Variants in ACOT8 observed in about 807,000 individuals in gnomAD.
ACOT8 encodes the protein acyl-CoA thioesterase 8.
In ACOT8, 31 loss-of-function variants were observed where a neutral mutation model predicts 38.4. That is an observed-to-expected ratio of 0.81 (90% CI 0.61 to 1.09). ACOT8 has a LOEUF of 1.09. Among genes scored for constraint, ACOT8 ranks in the 50% least tolerant of loss-of-function variants. The pLI is 0.00. For missense variants in ACOT8, 373 were observed against 421.8 expected, an observed-to-expected ratio of 0.88 and a Z score of 1.01; for synonymous variants, 158 against 170.3, an observed-to-expected ratio of 0.93 and a Z score of 0.56.
At position 45,843,451 on chromosome 20, in the gene ACOT8, A is replaced by G. The variant is rs1481983796; in HGVS notation, c.841+76T>C. ...GTGCAGCGCCACACAGGAAGTCGGG[A>G]AATCAGCATCACCCAAGAAAGCAGG... is the stretch of plus-strand genomic sequence containing the variant. On this transcript the variant is annotated intron_variant, in intron 5 of 5. Transcript: ENST00000217455. 28 of 1,539,066 alleles carry G rather than the reference A, an allele frequency of 1.8e-5. No homozygotes were observed. The East Asian group carries it at 4.8e-4, about 26-fold the overall frequency.
chr20:45,851,071 A>C (rs759333281), intron 2 of ACOT8, among the ~76,000 whole-genome samples: 10 of 152,194 alleles, frequency 6.6e-5, no homozygotes, highest in Admixed American at 1.3e-4. Context: ...TTCAGATGAA[A>C]GAAGCAGGTC....
Position 45,855,345 on chromosome 20 carries a change from C to T in ACOT8, c.129-53G>A, listed in dbSNP as rs139931236. 1.9e-6 allele frequency: 3 copies of T among 1,599,234 alleles called. No homozygotes were observed. In the Admixed American group the frequency reaches 5.0e-5, roughly 27 times the overall value. On this transcript the variant is annotated intron_variant, in intron 1 of 5. Coordinates refer to ENST00000217455, the MANE Select transcript of ACOT8 (RefSeq NM_005469.4). ...GACTTGGGAACTGGGCCAAATTCTA[C>T]TACCCTCACTAAGACTCTAATGCAT...
intron 3 of ACOT8, among the ~76,000 whole-genome samples, chr20:45,844,971 T>C (rs1984571862): frequency 6.6e-6 from 1 of 152,204 alleles, no homozygotes; most frequent in Admixed American, 6.5e-5. Flanking sequence ...CAGGCTGGAG[T>C]ACAGTGGCGC....
chr20:45,844,107 G>T, intron 4 of ACOT8, 156 bp downstream of exon 4: 1 of 1,063,620 alleles, frequency 9.4e-7, no homozygotes, highest in Non-Finnish European at 1.4e-6. Flanking sequence ...CATGCAAAGG[G>T]CTGAGAGGGC....
intron 5 of ACOT8, chr20:45,842,704 T>A (rs1190540616): frequency 1.0e-6 from 1 of 989,098 alleles, no homozygotes; most frequent in Non-Finnish European, 1.2e-6. Context: ...GTTGTCCAGT[T>A]TTCCAGACCA....
intron 1 of ACOT8, among the ~76,000 whole-genome samples, chr20:45,855,979 G>A (rs1436302212): frequency 6.6e-6 from 1 of 152,094 alleles, no homozygotes; most frequent in Non-Finnish European, 1.5e-5. Context: ...AGCCCTCCAT[G>A]ACCTGGCAGG....
chr20:45,844,866 C>A (rs1425374756), intron 3 of ACOT8, among the ~76,000 whole-genome samples: 1 of 152,176 alleles, frequency 6.6e-6, no homozygotes, highest in Non-Finnish European at 1.5e-5. Flanking sequence ...AGGTAGCTTG[C>A]TTAAAAATTG....
In ACOT8 at chr20:45,848,669, G is replaced by A. The variant is rs138226225; in HGVS notation, c.269C>T (p.Pro90Leu). The stretch of plus-strand genomic sequence containing the variant: ...CACTTGGTACAGTACTGGCAGCTTC[G>A]GGTCCCCTGCAGTGGGCACAAGGAC... Reference protein sequence around the residue: ...LHCYFVRAGDPKLPVLYQVER... With the variant: ...LHCYFVRAGDLKLPVLYQVER... Residue 90 changes from proline (P) to leucine (L), a missense_variant, in exon 3 of 6, where the codon CCG (proline) becomes CTG (leucine). Physicochemically the swap from Pro to Leu is moderately conservative, Grantham distance 98. Transcript: ENST00000217455. 4.3e-4 allele frequency: 693 copies of A among 1,604,922 alleles called. 2 individuals are homozygous for A. The African/African-American group carries it at 7.7e-3, about 18-fold the overall frequency.
At chr20:45,843,369 C>T (rs1984401842) in intron 5 of ACOT8, 158 bp downstream of exon 5, 1 of 978,506 alleles carries the variant, frequency 1.0e-6, no homozygotes, top group Non-Finnish European at 1.6e-6. Flanking sequence ...CGGCCTCACC[C>T]TCTCATTTTG....
intron 2 of ACOT8, among the ~76,000 whole-genome samples, chr20:45,854,412 G>A (rs1199890996): frequency 3.3e-5 from 5 of 152,208 alleles, no homozygotes; most frequent in African/African-American, 9.6e-5. Context: ...GGGTTTCACC[G>A]TGTTAGCTAG....
chr20:45,843,574 A>G lies in ACOT8; in HGVS notation c.794T>C (p.Phe265Ser), dbSNP rs148501184. 3 of 1,612,528 alleles carry G rather than the reference A, an allele frequency of 1.9e-6. No individual in the cohort carries two copies. Among genetic ancestry groups the G allele is most frequent in the Non-Finnish European group, 2.5e-6 (3 of 1,178,870 alleles). ...LDHSMWFHAP[F>S]RADHWMLYEC... ...ATAGAGCATCCAGTGGTCAGCTCGG[A>G]AGGGGGCGTGGAACCACATGGAATG... The change falls in exon 5 of 6, where the codon TTC (phenylalanine) becomes TCC (serine). Residue 265 changes from phenylalanine to serine, a missense_variant. Physicochemically the swap from Phe to Ser is radical, Grantham distance 155. Transcript: ENST00000217455.
In ACOT8 at chr20:45,848,567, C is replaced by T. The variant is rs1206672844; in HGVS notation, c.371G>A (p.Cys124Tyr). Reference sequence around the variant, plus strand: ...CTGGGCCTGCTGGAAGGAGGCCTGGCAGATGAAGATGGGCTTCCCATGTTG... The same window carrying T: ...CTGGGCCTGCTGGAAGGAGGCCTGGTAGATGAAGATGGGCTTCCCATGTTG... ...AVQHGKPIFI[C>Y]QASFQQAQPS... Residue 124 changes from cysteine (C) to tyrosine (Y), a missense_variant, in exon 3 of 6, where the codon TGC becomes TAC. Physicochemically the swap from Cys to Tyr is radical, Grantham distance 194 (BLOSUM62 -2). Coordinates refer to ENST00000217455, the MANE Select transcript of ACOT8 (RefSeq NM_005469.4). 1 of 1,614,006 alleles carries T rather than the reference C, an allele frequency of 6.2e-7. No homozygotes were observed. Among genetic ancestry groups the T allele is most frequent in the Non-Finnish European group, 8.5e-7 (1 of 1,180,036 alleles).
At chr20:45,849,847 A>G (rs995221005) in intron 2 of ACOT8, among the ~76,000 whole-genome samples, 14 of 152,214 alleles carry the variant, frequency 9.2e-5, no homozygotes, top group African/African-American at 2.9e-4. Flanking sequence ...TGTAGTGGAA[A>G]AAAAGGCTTC....
intron 2 of ACOT8, 89 bp from the exon 3 acceptor site, chr20:45,848,764 A>G: frequency 8.5e-7 from 1 of 1,177,974 alleles, no homozygotes; most frequent in South Asian, 1.5e-5. Flanking sequence ...CTTCCATTCC[A>G]TTTCATCTCA....
rs151316830 is a variant in ACOT8, at chr20:45,856,609, G to A, written c.128+579C>T. ...GCAGGAGAAATGCTTGAACCCGGGA[G>A]GCGGAGGTTGCACTGAGCCGAGATC... On this transcript the variant is annotated intron_variant, in intron 1 of 5. Transcript: ENST00000217455. 3.6e-3 allele frequency among the ~76,000 whole-genome samples: 543 copies of A among 152,252 alleles called. 2 individuals carry two copies. Among genetic ancestry groups the A allele is most frequent in the Non-Finnish European group, 6.5e-3 (439 of 68,012 alleles).
chr20:45,852,476 C>T (rs1250097551), intron 2 of ACOT8, among the ~76,000 whole-genome samples: 1 of 151,812 alleles, frequency 6.6e-6, no homozygotes, highest in Non-Finnish European at 1.5e-5. Flanking sequence ...ACATGCCCAG[C>T]CAAAAAACAG....
chr20:45,854,248 C>T (rs942827534), intron 2 of ACOT8, among the ~76,000 whole-genome samples: 5 of 151,856 alleles, frequency 3.3e-5, no homozygotes, highest in Admixed American at 3.3e-4. Flanking sequence ...CTGGAGTGCT[C>T]GCCCAGGCTG....
chr20:45,848,665 C>T lies in ACOT8; in HGVS notation c.273G>A (p.Lys91=). 6.2e-7 allele frequency: 1 copy of T among 1,606,424 alleles called. No individual in the cohort carries two copies. The highest frequency in any genetic ancestry group is 8.5e-7 in the Non-Finnish European group (1 of 1,175,648). Residue 91 remains lysine (K), a synonymous_variant, in exon 3 of 6, where the codon AAG becomes AAA. Coordinates refer to ENST00000217455, the MANE Select transcript of ACOT8 (RefSeq NM_005469.4). Reference sequence around the variant, plus strand: ...GCTCCACTTGGTACAGTACTGGCAGCTTCGGGTCCCCTGCAGTGGGCACAA... The same window carrying T: ...GCTCCACTTGGTACAGTACTGGCAGTTTCGGGTCCCCTGCAGTGGGCACAA... The part of the protein sequence containing the change: ...HCYFVRAGDP[K]LPVLYQVERT...
At chr20:45,845,826 G>GT (rs1467637869) in intron 3 of ACOT8, among the ~76,000 whole-genome samples, 2 of 148,400 alleles carry the variant, frequency 1.3e-5, no homozygotes, top group African/African-American at 5.2e-5. Flanking sequence ...TACTGACTTT[G>GT]GTTTTTTTTT....
Sources: gnomAD v4.1 joint callset for allele counts (sites outside exome capture counted in the v4.1 genomes callset) on GRCh38, gnomAD v4.1.1 for gene constraint, MANE v1.5 for transcripts, NCBI Gene and HGNC (gene_info 2026-07-23, HGNC 2026-07-21) for gene names.